Variants in CEP126 observed in about 807,000 individuals in gnomAD.
CEP126 encodes the protein centrosomal protein of 126 kDa.
CEP126 carries 74 observed loss-of-function variants against 107.8 expected under a neutral mutation model. The observed-to-expected ratio is 0.69, with a 90% CI of 0.57 to 0.83. The LOEUF (loss-of-function observed/expected upper bound fraction) is 0.83. Ranked by LOEUF, CEP126 falls within the 40% of genes least tolerant of loss-of-function variation. The probability of loss-of-function intolerance (pLI) is 0.00; values close to 1 mark genes in which losing one functional copy is unlikely to be tolerated. For synonymous variants in CEP126, 449 were observed against 446.0 expected, an observed-to-expected ratio of 1.01 and a Z score of -0.08; for missense variants, 1,237 against 1,281.9, an observed-to-expected ratio of 0.96 and a Z score of 0.53.
rs139486679 is a variant in CEP126 at position 101,964,489 on chromosome 11, C to T, written c.2845+609C>T. On this transcript the variant is annotated intron_variant, in intron 6 of 10. Transcript: ENST00000263468. ...TCTCTACAAAAATACAAAAATTAGC[C>T]GGGCATGGTGGCGCGTGCCTGTAAT... Among the ~76,000 whole-genome samples, 1,326 of 151,970 alleles carry T rather than the reference C, an allele frequency of 8.7e-3. 14 individuals are homozygous for T. The highest frequency in any genetic ancestry group is 0.013 in the Non-Finnish European group (895 of 67,962).
rs897531812 is a variant in CEP126, at chr11:101,997,871, A to G, written c.*228A>G. On this transcript the variant is annotated 3_prime_UTR_variant, in exon 11 of 11. Coordinates refer to ENST00000263468, the MANE Select transcript of CEP126 (RefSeq NM_020802.4). ...ACCATGAAAGACATTATGCCTGCCT[A>G]AACAAAAAGCAGGACATAACCTAGC... 1 of 526,496 alleles carries G rather than the reference A, an allele frequency of 1.9e-6. No homozygotes were observed. Among genetic ancestry groups the G allele is most frequent in the Admixed American group, 3.2e-5 (1 of 31,448 alleles). The allele number at this position is 526,496 out of a possible 1,614,324, so 32.6% of individuals were successfully genotyped here.
At chr11:101,932,761 C>A (rs1197922633) in intron 2 of CEP126, among the ~76,000 whole-genome samples, 1 of 152,110 alleles carries the variant, frequency 6.6e-6, no homozygotes, top group Non-Finnish European at 1.5e-5. Flanking sequence ...GTTTCCCTGG[C>A]TCCCTATCTC....
chr11:101,945,891 G>A (rs1940729038), intron 3 of CEP126, among the ~76,000 whole-genome samples: 1 of 151,960 alleles, frequency 6.6e-6, no homozygotes, highest in South Asian at 2.1e-4. Context: ...AACTATATAG[G>A]GTCTGTTACC....
chr11:101,937,367 C>T lies in CEP126; in HGVS notation c.249-6898C>T, dbSNP rs1940597937. ...TAACACATTGAAAAAATAACGTGTT[C>T]AAGGTAATGAACCAGTACAGTAGCA... is the stretch of plus-strand genomic sequence containing the variant. On this transcript the variant is annotated intron_variant, in intron 2 of 10. Transcript: ENST00000263468. 2.0e-5 allele frequency among the ~76,000 whole-genome samples: 3 copies of T among 152,222 alleles called. No homozygotes were observed. In the South Asian group the frequency reaches 6.2e-4, roughly 32 times the overall value.
At chr11:101,993,678 A>G (rs1018022040) in intron 10 of CEP126, among the ~76,000 whole-genome samples, 1 of 152,238 alleles carries the variant, frequency 6.6e-6, no homozygotes, top group Non-Finnish European at 1.5e-5. Context: ...CCAGCAGTGT[A>G]TAAGCATTCC....
At chr11:101,977,697 T>C (rs1301107517) in intron 6 of CEP126, among the ~76,000 whole-genome samples, 1 of 150,798 alleles carries the variant, frequency 6.6e-6, no homozygotes, top group Non-Finnish European at 1.5e-5. Flanking sequence ...ACAACTCACC[T>C]TAAATAATAA....
chr11:101,997,615 G>C lies in CEP126; in HGVS notation c.3326G>C (p.Arg1109Thr), dbSNP rs781638149. 3 of 1,613,842 alleles carry C rather than the reference G, an allele frequency of 1.9e-6. No homozygotes were observed. The highest frequency in any genetic ancestry group is 4.5e-5 in the East Asian group (2 of 44,880). ...GATTTCCAGGAGAAGAGAGAAGATA[G>C]AACCAGCAGCTGCAGAGACAAGAGA... The part of the protein sequence containing the change: ...IIPLLEKRED[R>T]TSSCRDKR Residue 1109 changes from arginine (R) to threonine (T), a missense_variant, in exon 11 of 11, where the codon AGA becomes ACA. Physicochemically the swap from Arg to Thr is moderately conservative, Grantham distance 71. Around this residue, in one of 3 missense-constraint regions of CEP126, gnomAD observed 99 missense variants for 114.4 expected, o/e 0.87. Coordinates refer to ENST00000263468, the MANE Select transcript of CEP126 (RefSeq NM_020802.4).
chr11:101,980,241 C>T (rs1941240422), intron 7 of CEP126, among the ~76,000 whole-genome samples: 2 of 152,110 alleles, frequency 1.3e-5, no homozygotes, highest in Non-Finnish European at 2.9e-5. Flanking sequence ...CAAGTCCTTC[C>T]ATTTCAACTG....
At chr11:101,975,518 C>T (rs1419967355) in intron 6 of CEP126, among the ~76,000 whole-genome samples, 2 of 152,228 alleles carry the variant, frequency 1.3e-5, no homozygotes, top group Non-Finnish European at 2.9e-5. Context: ...CCCTTACTGG[C>T]TCTGTGACCT....
intron 9 of CEP126, among the ~76,000 whole-genome samples, chr11:101,989,133 A>G (rs1941347192): frequency 1.3e-5 from 2 of 152,158 alleles, no homozygotes; most frequent in South Asian, 4.1e-4. Context: ...TCTAACCACA[A>G]TGCAATTTAC....
intron 4 of CEP126, among the ~76,000 whole-genome samples, chr11:101,954,391 C>G (rs1240618444): frequency 6.6e-6 from 1 of 152,156 alleles, no homozygotes; most frequent in East Asian, 1.9e-4. Flanking sequence ...TCTTGTTCAA[C>G]AGTGTGCAGT....
chr11:101,920,401 T>C (rs928246749), intron 1 of CEP126, among the ~76,000 whole-genome samples: 3 of 152,190 alleles, frequency 2.0e-5, no homozygotes, highest in Non-Finnish European at 4.4e-5. Flanking sequence ...ATAATCAATT[T>C]ATGAGATTTT....
At chr11:101,918,529 C>T (rs1329312546) in intron 1 of CEP126, among the ~76,000 whole-genome samples, 1 of 152,086 alleles carries the variant, frequency 6.6e-6, no homozygotes. Context: ...AAAGGTACTG[C>T]CCCATGCTCA....
chr11:101,976,930 T>G (rs1376230877), intron 6 of CEP126, among the ~76,000 whole-genome samples: 5 of 152,200 alleles, frequency 3.3e-5, no homozygotes, highest in African/African-American at 1.2e-4. Flanking sequence ...TTCATTCTTC[T>G]AGACAAATGG....
intron 3 of CEP126, among the ~76,000 whole-genome samples, chr11:101,944,722 C>G (rs1940712668): frequency 1.3e-5 from 2 of 152,094 alleles, no homozygotes; most frequent in Non-Finnish European, 2.9e-5. Context: ...CATTTGGGTT[C>G]AGAAAATTAG....
intron 9 of CEP126, among the ~76,000 whole-genome samples, chr11:101,988,638 C>T (rs1941340698): frequency 6.6e-6 from 1 of 152,034 alleles, no homozygotes; most frequent in African/African-American, 2.4e-5. Flanking sequence ...ATATTGACAA[C>T]ATGTCCAATG....
At chr11:101,965,567 A>AT (rs1214839094) in intron 6 of CEP126, among the ~76,000 whole-genome samples, 1 of 152,266 alleles carries the variant, frequency 6.6e-6, no homozygotes, top group East Asian at 1.9e-4. Flanking sequence ...TAAAATTATG[A>AT]TTTTTTTATC....
chr11:101,975,774 T>C (rs1027040292), intron 6 of CEP126, among the ~76,000 whole-genome samples: 4 of 152,134 alleles, frequency 2.6e-5, no homozygotes, highest in African/African-American at 9.7e-5. Context: ...TGTCTGTTGT[T>C]CCCTTCTTTA....
At chr11:101,973,593 G>A (rs867256072) in intron 6 of CEP126, among the ~76,000 whole-genome samples, 1 of 152,108 alleles carries the variant, frequency 6.6e-6, no homozygotes, top group East Asian at 1.9e-4. Flanking sequence ...GATAGGTGCA[G>A]CAAACCACCA....
Sources: allele counts gnomAD v4.1 joint callset (sites outside exome capture counted in the v4.1 genomes callset), GRCh38; gene constraint gnomAD v4.1.1; regional missense constraint gnomAD v4.1.1; transcripts MANE v1.5; gene names NCBI Gene and HGNC (gene_info 2026-07-23, HGNC 2026-07-21).